SLC22A15: variants seen among roughly 807,000 people sequenced by gnomAD.
SLC22A15 encodes the protein flipt 1.
In SLC22A15, 45 loss-of-function variants were observed where a neutral mutation model predicts 62.7. The ratio of observed to expected loss-of-function variants is 0.72; its 90% CI spans 0.56 to 0.92. The LOEUF (loss-of-function observed/expected upper bound fraction) is 0.92, where lower values mean the gene tolerates loss of function less well. Among genes scored for constraint, SLC22A15 ranks in the 40% least tolerant of loss-of-function variants. SLC22A15 has a pLI of 0.00. For missense variants in SLC22A15, 622 were observed against 665.6 expected (o/e 0.93, Z 0.72); for synonymous variants, 264 against 267.0 (o/e 0.99, Z 0.11).
chr1:115,987,163 GAT>G (rs1654912266), intron 1 of SLC22A15, among the ~76,000 whole-genome samples: 2 of 147,720 alleles, frequency 1.4e-5, no homozygotes, highest in African/African-American at 5.2e-5. Flanking sequence ...AATGTAGATA[GAT>G]TTTTTTTTTT....
chr1:116,039,263 G>A (rs987522206), intron 8 of SLC22A15, among the ~76,000 whole-genome samples: 4 of 152,192 alleles, frequency 2.6e-5, no homozygotes, highest in African/African-American at 9.7e-5. Flanking sequence ...GCTGGGCATG[G>A]TGGCTCACAC....
intron 8 of SLC22A15, among the ~76,000 whole-genome samples, chr1:116,048,004 T>A (rs1267629471): frequency 6.6e-6 from 1 of 152,228 alleles, no homozygotes; most frequent in East Asian, 1.9e-4. Context: ...AGACAAGGTT[T>A]TTGAATTAAC....
At chr1:116,058,303 G>A (rs113920227) in intron 8 of SLC22A15, among the ~76,000 whole-genome samples, 6,577 of 151,988 alleles carry the variant, frequency 0.043, 181 homozygotes, top group Non-Finnish European at 0.052. Context: ...AAAAGTGGGC[G>A]AAGAACATGA....
chr1:116,035,621 T>C (rs1657605829), intron 7 of SLC22A15, among the ~76,000 whole-genome samples: 1 of 152,212 alleles, frequency 6.6e-6, no homozygotes, highest in African/African-American at 2.4e-5. Context: ...GTAGTCTGTA[T>C]GTAATTTGTT....
intron 2 of SLC22A15, among the ~76,000 whole-genome samples, chr1:116,008,329 ATTGT>A (rs1656086669): frequency 6.6e-6 from 1 of 152,096 alleles, no homozygotes; most frequent in Admixed American, 6.6e-5. Flanking sequence ...TGGATACAAG[ATTGT>A]TTGTTAGGAG....
chr1:115,985,900 C>T (rs575171916), intron 1 of SLC22A15, among the ~76,000 whole-genome samples: 72 of 143,918 alleles, frequency 5.0e-4, no homozygotes, highest in African/African-American at 1.8e-3. Context: ...GAGCTGAGAT[C>T]GCGCCACTGT....
At chr1:115,993,127 G>A (rs1655236584) in intron 2 of SLC22A15, among the ~76,000 whole-genome samples, 1 of 152,092 alleles carries the variant, frequency 6.6e-6, no homozygotes, top group Non-Finnish European at 1.5e-5. Flanking sequence ...GAGAAACCCT[G>A]GATGGGGGCA....
chr1:116,023,715 C>G (rs1018153661), intron 4 of SLC22A15, among the ~76,000 whole-genome samples: 6 of 152,076 alleles, frequency 3.9e-5, no homozygotes, highest in Non-Finnish European at 8.8e-5. Flanking sequence ...GAAAATGAAG[C>G]AGGGTAATGG....
chr1:116,014,291 G>T (rs1656419086), intron 2 of SLC22A15, among the ~76,000 whole-genome samples: 1 of 152,096 alleles, frequency 6.6e-6, no homozygotes, highest in African/African-American at 2.4e-5. Context: ...TATGTTAGAG[G>T]CACCTGCTAT....
At position 116,067,096 on chromosome 1, in the gene SLC22A15, G is replaced by T. The variant is rs757083777; in HGVS notation, c.1632G>T (p.Gln544His). The T allele has an allele frequency of 6.2e-7, 1 of 1,611,242 alleles. No individual in the cohort carries two copies. The highest frequency in any genetic ancestry group is 1.7e-5 in the Admixed American group (1 of 59,724). ...TTTATGATGCAGATGAAGAGACTCA[G>T]ATGATCAAGTGAAGAGCCCCAGATT... ...EEFYDADEET[Q>H]MIK The change falls in exon 12 of 12, where the codon CAG (glutamine) becomes CAT (histidine). Residue 544 changes from glutamine (Q) to histidine (H), a missense_variant. Coordinates refer to ENST00000369503, the MANE Select transcript of SLC22A15 (RefSeq NM_018420.3).
chr1:116,046,447 A>C (rs1657932653), intron 8 of SLC22A15, among the ~76,000 whole-genome samples: 1 of 152,228 alleles, frequency 6.6e-6, no homozygotes, highest in African/African-American at 2.4e-5. Context: ...AAAAAGATAT[A>C]AAAATGGCAA....
At chr1:116,020,657 A>G in intron 3 of SLC22A15, 64 bp from the exon 4 acceptor site, 1 of 1,309,798 alleles carries the variant, frequency 7.6e-7, no homozygotes, top group Admixed American at 2.2e-5. Flanking sequence ...AATGAATATA[A>G]TTTATTACTT....
At chr1:115,982,170 AG>A in intron 1 of SLC22A15, among the ~76,000 whole-genome samples, 1 of 152,318 alleles carries the variant, frequency 6.6e-6, no homozygotes, top group Middle Eastern at 3.4e-3. Flanking sequence ...TCAAATCCAA[AG>A]ATGCACACAG....
intron 2 of SLC22A15, among the ~76,000 whole-genome samples, chr1:116,012,088 C>G (rs1464090873): frequency 6.6e-6 from 1 of 152,142 alleles, no homozygotes; most frequent in African/African-American, 2.4e-5. Context: ...CTTTACCATT[C>G]ACTTCTCCCT....
At chr1:116,055,037 C>G (rs1256485462) in intron 8 of SLC22A15, among the ~76,000 whole-genome samples, 1 of 151,168 alleles carries the variant, frequency 6.6e-6, no homozygotes, top group Non-Finnish European at 1.5e-5. Flanking sequence ...TAGCAGAAGG[C>G]AAGAAATAAC....
intron 1 of SLC22A15, among the ~76,000 whole-genome samples, chr1:115,989,855 A>G (rs558821119): frequency 2.6e-5 from 4 of 151,972 alleles, no homozygotes; most frequent in African/African-American, 4.8e-5. Context: ...AGTTAGCATT[A>G]TAAAGGCATG....
intron 5 of SLC22A15, among the ~76,000 whole-genome samples, chr1:116,030,726 T>C (rs2101431270): frequency 6.6e-6 from 1 of 152,316 alleles, no homozygotes; most frequent in Admixed American, 6.5e-5. Context: ...GGAAATATCC[T>C]CAGGACATAT....
chr1:116,019,424 G>C lies in SLC22A15; in HGVS notation c.301-158G>C, dbSNP rs148154475. Among the ~76,000 whole-genome samples the C allele has an allele frequency of 1.7e-4, 26 of 152,316 alleles. No homozygotes were observed. The East Asian group carries it at 3.7e-3, about 21-fold the overall frequency. On this transcript the variant is annotated intron_variant, in intron 2 of 11. Transcript: ENST00000369503. The stretch of plus-strand genomic sequence containing the variant: ...TCTAGTGTTTCTGAAGATAAAATCT[G>C]ATTGGACGTTGTCTGAGATAGACAA...
chr1:116,060,809 G>A (rs533560966), intron 8 of SLC22A15, among the ~76,000 whole-genome samples: 111 of 152,146 alleles, frequency 7.3e-4, no homozygotes, highest in Non-Finnish European at 1.3e-3. Flanking sequence ...AGCACCTTGT[G>A]GCTTAAAAAT....
Sources: gnomAD v4.1 joint callset for allele counts (sites outside exome capture counted in the v4.1 genomes callset) on GRCh38, gnomAD v4.1.1 for gene constraint, MANE v1.5 for transcripts, NCBI Gene and HGNC (gene_info 2026-07-23, HGNC 2026-07-21) for gene names.